RXRA: variants seen among roughly 807,000 people sequenced by gnomAD.
RXRA encodes the protein retinoid X receptor alpha, also known as retinoic acid receptor RXR-alpha.
In RXRA, 5 loss-of-function variants were observed where a neutral mutation model predicts 44.5. The ratio of observed to expected loss-of-function variants is 0.11; its 90% CI spans 0.06 to 0.24. The LOEUF is 0.24. Ranked by LOEUF, RXRA falls within the 10% of genes least tolerant of loss-of-function variation. The pLI is 1.00. For synonymous variants in RXRA, 291 were observed against 271.4 expected (o/e 1.07, Z -0.71); for missense variants, 412 against 646.5 (o/e 0.64, Z 3.93).
chr9:134,356,602 A>G (rs558831791), intron 1 of RXRA, among the ~76,000 whole-genome samples: 16 of 152,314 alleles, frequency 1.1e-4, no homozygotes, highest in African/African-American at 3.8e-4. Flanking sequence ...AGTGTGTCTT[A>G]TCACCAAGAG....
At position 134,417,020 on chromosome 9, in the gene RXRA, C is replaced by T; in HGVS notation, c.611-138C>T. The T allele has an allele frequency of 6.9e-6, 6 of 870,384 alleles. No homozygotes were observed. The highest frequency in any genetic ancestry group is 1.1e-5 in the Non-Finnish European group (6 of 570,200). The allele number at this position is 870,384 out of a possible 1,614,324, so 53.9% of individuals were successfully genotyped here. The stretch of plus-strand genomic sequence containing the variant: ...CAGGCCTGGGGCAGAGATGGGGTCT[C>T]CATCACCCAGTGCTGGTGGGGATGC... On this transcript the variant is annotated intron_variant, in intron 4 of 9. Transcript: ENST00000481739. The surrounding 1 kb of genome is among the most constrained non-coding windows in gnomAD (Gnocchi z 6.1).
intron 1 of RXRA, among the ~76,000 whole-genome samples, chr9:134,358,200 G>A (rs533082641): frequency 6.6e-6 from 1 of 152,372 alleles, no homozygotes; most frequent in African/African-American, 2.4e-5. Flanking sequence ...TGGAAACACC[G>A]AGTTCTGCCT....
intron 1 of RXRA, chr9:134,379,541 G>A: frequency 1.0e-6 from 1 of 985,920 alleles, no homozygotes; most frequent in South Asian, 4.7e-5. Flanking sequence ...GTGGCCCAGG[G>A]TCTTGGTGGC....
chr9:134,360,521 G>A (rs1830337176), intron 1 of RXRA, among the ~76,000 whole-genome samples: 1 of 152,224 alleles, frequency 6.6e-6, no homozygotes, highest in Non-Finnish European at 1.5e-5. Flanking sequence ...GACAGTGTGG[G>A]CAGCCAGTGC....
At chr9:134,432,976 G>T (rs1264752523) in intron 8 of RXRA, among the ~76,000 whole-genome samples, 1 of 152,168 alleles carries the variant, frequency 6.6e-6, no homozygotes, top group Non-Finnish European at 1.5e-5. Context: ...GCGTGATAGG[G>T]GCAGGTGGCT....
rs769209021 is a variant in RXRA, at chr9:134,431,975, G to A, written c.1114G>A (p.Ala372Thr). 2.8e-5 allele frequency: 45 copies of A among 1,613,730 alleles called. No individual in the cohort carries two copies. Among genetic ancestry groups the A allele is most frequent in the Admixed American group, 1.5e-4 (9 of 59,994 alleles). ...CAAGACGGAGCTGGGCTGCCTGCGCGCCATCGTCCTCTTTAACCCTGGTAT... is the reference window on the plus strand; with the variant it reads ...CAAGACGGAGCTGGGCTGCCTGCGCACCATCGTCCTCTTTAACCCTGGTAT... ...MDKTELGCLR[A>T]IVLFNPDSKG... The change falls in exon 8 of 10, where the codon GCC (alanine) becomes ACC (threonine). Residue 372 changes from alanine to threonine, a missense_variant. Ala to Thr is a moderately conservative substitution (Grantham distance 58, BLOSUM62 0). This residue lies in a region of RXRA where 141 missense variants were observed against 270.8 expected (regional missense o/e 0.52). Coordinates refer to ENST00000481739, the MANE Select transcript of RXRA (RefSeq NM_002957.6).
intron 1 of RXRA, among the ~76,000 whole-genome samples, chr9:134,348,723 C>T (rs1329527559): frequency 6.6e-6 from 1 of 152,226 alleles, no homozygotes; most frequent in Admixed American, 6.5e-5. Flanking sequence ...CCCATCCATC[C>T]GCTGTCAAAG....
chr9:134,436,460 C>T lies in RXRA; in HGVS notation c.1242-7C>T. 6.2e-7 allele frequency: 1 copy of T among 1,613,758 alleles called. No individual in the cohort carries two copies. Among genetic ancestry groups the T allele is most frequent in the African/African-American group, 1.3e-5 (1 of 75,086 alleles). ...TGCCCGGCCCTCACCAGACCTGTTC[C>T]CTGCAGGTTCGCTAAGCTCTTGCTC... is the stretch of plus-strand genomic sequence containing the variant. On this transcript the variant is annotated splice_polypyrimidine_tract_variant and splice_region_variant and intron_variant, in intron 9 of 9. Coordinates refer to ENST00000481739, the MANE Select transcript of RXRA (RefSeq NM_002957.6).
intron 1 of RXRA, among the ~76,000 whole-genome samples, chr9:134,363,433 A>G (rs1472521603): frequency 6.6e-6 from 1 of 152,198 alleles, no homozygotes; most frequent in East Asian, 1.9e-4. Flanking sequence ...CTGGTTTCTC[A>G]TCTAAAGCCC....
intron 1 of RXRA, among the ~76,000 whole-genome samples, chr9:134,369,522 T>C (rs1365648608): frequency 9.6e-5 from 5 of 51,990 alleles, no homozygotes; most frequent in African/African-American, 3.6e-4. Context: ...TGCGTGTGTG[T>C]GGGGGGGTTA....
intron 1 of RXRA, among the ~76,000 whole-genome samples, chr9:134,400,930 C>T (rs546135389): frequency 3.3e-5 from 5 of 152,286 alleles, no homozygotes; most frequent in African/African-American, 7.2e-5. Flanking sequence ...CCTGAGCGTC[C>T]GGTGCCCGGG....
Position 134,426,777 on chromosome 9 carries a change from G to T in RXRA, c.911-2331G>T, listed in dbSNP as rs1831441411. Reference sequence around the variant, plus strand: ...GTGAGGGAGAGAGGCAGGCCCGAGAGGCCAGGACTGGCCAGGGATGGTGGG... The same window carrying T: ...GTGAGGGAGAGAGGCAGGCCCGAGATGCCAGGACTGGCCAGGGATGGTGGG... On this transcript the variant is annotated intron_variant, in intron 6 of 9. Transcript: ENST00000481739. The surrounding 1 kb of genome is among the most constrained non-coding windows in gnomAD (Gnocchi z 4.6). 2 of 985,426 alleles carry T rather than the reference G, an allele frequency of 2.0e-6. No individual in the cohort carries two copies. Among genetic ancestry groups the T allele is most frequent in the Non-Finnish European group, 1.2e-6 (1 of 829,922 alleles). 61.0% of individuals were successfully genotyped at this position (985,426 alleles called of 1,614,324 possible).
At position 134,407,949 on chromosome 9, in the gene RXRA, C is replaced by T. The variant is rs967727869; in HGVS notation, c.280-200C>T. On this transcript the variant is annotated intron_variant, in intron 2 of 9. Transcript: ENST00000481739. This position sits in a 1 kb window ranked among gnomAD's most constrained non-coding sequence, Gnocchi z 4.8. ...GGGCGAGTCCTGAGGTTGCCACAGC[C>T]TCTGCTGGCCTTGCTGAGCAAGCAC... Among the ~76,000 whole-genome samples, 4 of 152,016 alleles carry T rather than the reference C, an allele frequency of 2.6e-5. No individual in the cohort carries two copies. Among genetic ancestry groups the T allele is most frequent in the African/African-American group, 9.7e-5 (4 of 41,398 alleles).
At chr9:134,423,172 G>A in intron 6 of RXRA, 5 of 985,428 alleles carry the variant, frequency 5.1e-6, no homozygotes, top group African/African-American at 1.7e-5. Flanking sequence ...CGAGTCAGCC[G>A]GGGTAGCTGT....
chr9:134,432,001 GGCCTTCCT>G lies in RXRA; in HGVS notation c.1135+11_1135+18del, dbSNP rs775890650. 1 of 1,611,198 alleles carries G rather than the reference GGCCTTCCT, an allele frequency of 6.2e-7. No homozygotes were observed. Among genetic ancestry groups the G allele is most frequent in the East Asian group, 2.2e-5 (1 of 44,800 alleles). On this transcript the variant is annotated splice_donor_region_variant and intron_variant, in intron 8 of 9. Coordinates refer to ENST00000481739, the MANE Select transcript of RXRA (RefSeq NM_002957.6). ...CCATCGTCCTCTTTAACCCTGGTATGGCCTTCCTGCCTTGAGGCTTCTGGCCCCGTTCT... is the reference window on the plus strand; with the variant it reads ...CCATCGTCCTCTTTAACCCTGGTATGGCCTTGAGGCTTCTGGCCCCGTTCT...
chr9:134,336,059 T>C (rs1393755058), intron 1 of RXRA, among the ~76,000 whole-genome samples: 3 of 152,138 alleles, frequency 2.0e-5, no homozygotes, highest in Non-Finnish European at 2.9e-5. Context: ...CACCCCTTCA[T>C]GGACTTTCTG....
intron 8 of RXRA, 152 bp downstream of exon 8, chr9:134,432,148 T>C (rs1831542708): frequency 3.2e-6 from 2 of 630,734 alleles, no homozygotes; most frequent in Non-Finnish European, 5.7e-6. Context: ...CCAGTGAAAG[T>C]GTGGCCATGC....
chr9:134,417,721 C>T lies in RXRA; in HGVS notation c.780+394C>T, dbSNP rs935200974. On this transcript the variant is annotated intron_variant, in intron 5 of 9. Transcript: ENST00000481739. The surrounding 1 kb of genome is among the most constrained non-coding windows in gnomAD (Gnocchi z 6.1). Reference sequence around the variant, plus strand: ...ACTTGGAAAAGGTATGGGAGGAGGCCGAGCCCCCAGCAAGAGGCTCTGCAG... The same window carrying T: ...ACTTGGAAAAGGTATGGGAGGAGGCTGAGCCCCCAGCAAGAGGCTCTGCAG... Among the ~76,000 whole-genome samples, 4 of 152,104 alleles carry T rather than the reference C, an allele frequency of 2.6e-5. No individual in the cohort carries two copies. The highest frequency in any genetic ancestry group is 2.0e-4 in the Admixed American group (3 of 15,280).
At chr9:134,435,745 C>T (rs1831609080) in intron 9 of RXRA, among the ~76,000 whole-genome samples, 1 of 152,206 alleles carries the variant, frequency 6.6e-6, no homozygotes, top group African/African-American at 2.4e-5. Context: ...GGCCTGTTCC[C>T]TGCGACTCAC....
Sources: allele counts gnomAD v4.1 joint callset (sites outside exome capture counted in the v4.1 genomes callset), GRCh38; gene constraint gnomAD v4.1.1; regional missense constraint gnomAD v4.1.1; non-coding constraint Gnocchi (gnomAD v3.1); transcripts MANE v1.5; gene names NCBI Gene and HGNC (gene_info 2026-07-23, HGNC 2026-07-21).